The following TAFA5 variants were observed in gnomAD, a reference collection of about 807,000 sequenced individuals.
TAFA5 encodes chemokine-like protein TAFA-5.
Under a neutral mutation model 15.3 loss-of-function variants are expected in TAFA5, and 6 were observed. The observed-to-expected ratio is 0.39, with a 90% CI of 0.21 to 0.77. The LOEUF (loss-of-function observed/expected upper bound fraction) is 0.77. TAFA5 is among the 30% of genes least tolerant of loss of function. TAFA5 has a pLI of 0.41. For synonymous variants in TAFA5, 103 were observed against 80.7 expected (o/e 1.28, Z -1.48); for missense variants, 161 against 193.1 (o/e 0.83, Z 0.98).
intron 3 of TAFA5, among the ~76,000 whole-genome samples, chr22:48,746,888 A>G (rs1050652584): frequency 4.6e-5 from 7 of 152,136 alleles, no homozygotes; most frequent in African/African-American, 1.7e-4. Context: ...CCCGGCAGCC[A>G]TCCTCAGGCA....
At chr22:48,639,833 C>T (rs980485204) in intron 1 of TAFA5, among the ~76,000 whole-genome samples, 3 of 152,364 alleles carry the variant, frequency 2.0e-5, no homozygotes, top group African/African-American at 7.2e-5. Flanking sequence ...TGCCGGGGTC[C>T]TGGAGAGCCA....
chr22:48,589,529 C>T (rs190340632), intron 1 of TAFA5, among the ~76,000 whole-genome samples: 1 of 151,738 alleles, frequency 6.6e-6, no homozygotes, highest in East Asian at 1.9e-4. Context: ...AACCCAGGGT[C>T]GGTTGGAGGT....
intron 3 of TAFA5, among the ~76,000 whole-genome samples, chr22:48,718,307 GGAA>G (rs1432851830): frequency 5.3e-5 from 8 of 152,058 alleles, no homozygotes; most frequent in African/African-American, 1.9e-4. Flanking sequence ...GGCTGCTGGA[GGAA>G]GAAGGGGGAT....
chr22:48,555,833 C>T (rs1601576551), intron 1 of TAFA5, among the ~76,000 whole-genome samples: 1 of 152,302 alleles, frequency 6.6e-6, no homozygotes, highest in East Asian at 1.9e-4. Flanking sequence ...CTGGAGGCTG[C>T]CAAGCCATCT....
chr22:48,633,540 C>A (rs1362524233), intron 1 of TAFA5, among the ~76,000 whole-genome samples: 24 of 123,686 alleles, frequency 1.9e-4, no homozygotes, highest in African/African-American at 6.4e-4. Flanking sequence ...CTGTCTCTCC[C>A]TCTCTCTCTC....
chr22:48,720,004 T>A (rs1239825523), intron 3 of TAFA5, among the ~76,000 whole-genome samples: 1 of 152,186 alleles, frequency 6.6e-6, no homozygotes, highest in African/African-American at 2.4e-5. Flanking sequence ...TGGGCGCCAT[T>A]TACAGTAATT....
intron 3 of TAFA5, among the ~76,000 whole-genome samples, chr22:48,719,595 C>T (rs1444465128): frequency 1.3e-5 from 2 of 152,192 alleles, no homozygotes; most frequent in Non-Finnish European, 2.9e-5. Context: ...GCATTCTCTC[C>T]CAAGGACAAA....
rs1174806655 is a variant in TAFA5, at chr22:48,552,576, G to A, written c.112+62872G>A. ...GGAACCCACGCCCATGCCCAGCTCT[G>A]CCTAAATGGATCGATCATCTAGAAC... On this transcript the variant is annotated intron_variant, in intron 1 of 3. Coordinates refer to ENST00000402357, the MANE Select transcript of TAFA5 (RefSeq NM_001082967.3). The surrounding 1 kb of genome is among the most constrained non-coding windows in gnomAD (Gnocchi z 4.1). 6.6e-6 allele frequency among the ~76,000 whole-genome samples: 1 copy of A among 152,086 alleles called. No homozygotes were observed. Among genetic ancestry groups the A allele is most frequent in the Non-Finnish European group, 1.5e-5 (1 of 68,032 alleles).
rs891093882 is a variant in TAFA5, at chr22:48,552,061, G to A, written c.112+62357G>A. Among the ~76,000 whole-genome samples, 4 of 152,250 alleles carry A rather than the reference G, an allele frequency of 2.6e-5. No individual in the cohort carries two copies. ...TCCTCCCGGCAGGAAGCGTCCTCCA[G>A]TGCTCCCTCTGCTGTGCTCTGTCAC... On this transcript the variant is annotated intron_variant, in intron 1 of 3. Transcript: ENST00000402357. This position sits in a 1 kb window ranked among gnomAD's most constrained non-coding sequence, Gnocchi z 4.1.
intron 1 of TAFA5, among the ~76,000 whole-genome samples, chr22:48,595,372 C>A (rs1924727470): frequency 1.3e-5 from 2 of 152,222 alleles, no homozygotes; most frequent in African/African-American, 4.8e-5. Context: ...CCCCAAGGCT[C>A]CAACAGGTGT....
chr22:48,514,512 C>A (rs1396103540), intron 1 of TAFA5, among the ~76,000 whole-genome samples: 2 of 152,192 alleles, frequency 1.3e-5, no homozygotes, highest in Admixed American at 6.5e-5. Context: ...GCTCCTGGCC[C>A]TCCAGAACTT....
intron 3 of TAFA5, among the ~76,000 whole-genome samples, chr22:48,730,081 G>A (rs1047178654): frequency 1.3e-5 from 2 of 152,088 alleles, no homozygotes; most frequent in African/African-American, 4.8e-5. Flanking sequence ...TGAATTCTGA[G>A]TCCTTTAAAA....
intron 3 of TAFA5, among the ~76,000 whole-genome samples, chr22:48,711,494 C>G (rs1202922415): frequency 6.6e-6 from 1 of 151,980 alleles, no homozygotes; most frequent in Non-Finnish European, 1.5e-5. Flanking sequence ...GAATCACTGG[C>G]CTGTGGTGAC....
At chr22:48,596,249 T>C (rs1453108215) in intron 1 of TAFA5, among the ~76,000 whole-genome samples, 1 of 152,232 alleles carries the variant, frequency 6.6e-6, no homozygotes, top group Non-Finnish European at 1.5e-5. Flanking sequence ...GACGCGGCCT[T>C]CTGGGGCCCA....
At position 48,598,417 on chromosome 22, in the gene TAFA5, G is replaced by A. The variant is rs539191389; in HGVS notation, c.113-48180G>A. Among the ~76,000 whole-genome samples, 22 of 152,300 alleles carry A rather than the reference G, an allele frequency of 1.4e-4. No individual in the cohort carries two copies. Among genetic ancestry groups the A allele is most frequent in the East Asian group, 3.9e-4 (2 of 5,176 alleles). On this transcript the variant is annotated intron_variant, in intron 1 of 3. Coordinates refer to ENST00000402357, the MANE Select transcript of TAFA5 (RefSeq NM_001082967.3). This position sits in a 1 kb window ranked among gnomAD's most constrained non-coding sequence, Gnocchi z 4.0. ...CAGGGGGCAGTGGTGAGGGGCTGGC[G>A]CTGTGATCGTGCTTAGTGTTTATGG...
At chr22:48,527,672 G>A (rs199546565) in intron 1 of TAFA5, among the ~76,000 whole-genome samples, 3 of 152,328 alleles carry the variant, frequency 2.0e-5, no homozygotes, top group East Asian at 3.9e-4. Context: ...GTGGGAAGCC[G>A]CATCCCACCC....
chr22:48,670,377 C>T (rs1041443869), intron 2 of TAFA5, among the ~76,000 whole-genome samples: 5 of 152,202 alleles, frequency 3.3e-5, no homozygotes, highest in Admixed American at 6.5e-5. Flanking sequence ...TGGACCAAGG[C>T]GCGGAGGACA....
chr22:48,557,106 C>T (rs571524369), intron 1 of TAFA5, among the ~76,000 whole-genome samples: 11 of 152,304 alleles, frequency 7.2e-5, no homozygotes, highest in Admixed American at 5.2e-4. Context: ...GCAGCAGTAA[C>T]GGCATCAGAA....
chr22:48,707,094 C>G (rs1487805270), intron 2 of TAFA5, among the ~76,000 whole-genome samples: 1 of 152,046 alleles, frequency 6.6e-6, no homozygotes, highest in Non-Finnish European at 1.5e-5. Context: ...GACTCACATC[C>G]TTTAATCTTG....
Sources: allele counts gnomAD v4.1 joint callset (sites outside exome capture counted in the v4.1 genomes callset), GRCh38; gene constraint gnomAD v4.1.1; non-coding constraint Gnocchi (gnomAD v3.1); transcripts MANE v1.5; gene names NCBI Gene and HGNC (gene_info 2026-07-23, HGNC 2026-07-21).